The following ZFAT variants were observed in gnomAD, a reference collection of about 807,000 sequenced individuals.
ZFAT encodes the protein zinc finger and AT-hook domain containing.
A neutral mutation model predicts 117.7 loss-of-function variants in ZFAT; 64 were observed. That is an observed-to-expected ratio of 0.54 (90% CI 0.44 to 0.67). The LOEUF (loss-of-function observed/expected upper bound fraction) is 0.67. Among genes scored for constraint, ZFAT ranks in the 30% least tolerant of loss-of-function variants. The pLI is 0.00. For missense variants in ZFAT, 1,433 were observed against 1,584.5 expected, an observed-to-expected ratio of 0.90 and a Z score of 1.62; for synonymous variants, 679 against 615.0, an observed-to-expected ratio of 1.10 and a Z score of -1.54.
chr8:134,707,654 T>C (rs1274457768), intron 1 of ZFAT, among the ~76,000 whole-genome samples: 1 of 152,206 alleles, frequency 6.6e-6, no homozygotes, highest in African/African-American at 2.4e-5. Flanking sequence ...ATGGCTGAGC[T>C]GGTCCTCTTT....
the ZFAT span, among the ~76,000 whole-genome samples, chr8:134,815,833 C>A: frequency 6.6e-6 from 1 of 152,188 alleles, no homozygotes; most frequent in Non-Finnish European, 1.5e-5. Context: ...CTGAAGTGGG[C>A]TTTCACCACA....
the ZFAT span, among the ~76,000 whole-genome samples, chr8:134,818,115 G>A: frequency 2.0e-5 from 3 of 152,058 alleles, no homozygotes; most frequent in Non-Finnish European, 4.4e-5. Context: ...AGTACCAAAA[G>A]TACAATCCAT....
intron 2 of ZFAT, among the ~76,000 whole-genome samples, chr8:134,653,342 T>G (rs1477667261): frequency 7.4e-6 from 1 of 134,536 alleles, no homozygotes; most frequent in Non-Finnish European, 1.5e-5. Flanking sequence ...AGTGGTGCAA[T>G]CACAGCTCAC....
the ZFAT span, among the ~76,000 whole-genome samples, chr8:134,819,520 C>T: frequency 7.9e-6 from 1 of 126,530 alleles, no homozygotes; most frequent in African/African-American, 3.0e-5. Context: ...CCCCCCAACA[C>T]ACCACAAAAG....
At chr8:134,588,151 A>G (rs2130865187) in intron 9 of ZFAT, 95 bp downstream of exon 9, 4 of 1,369,188 alleles carry the variant, frequency 2.9e-6, no homozygotes, top group Admixed American at 2.6e-5. Flanking sequence ...AACAGCAGGG[A>G]TGTGAAGATA....
chr8:134,685,365 G>T (rs1400787841), intron 1 of ZFAT, among the ~76,000 whole-genome samples: 1 of 152,144 alleles, frequency 6.6e-6, no homozygotes, highest in East Asian at 1.9e-4. Flanking sequence ...TGCTCACAGT[G>T]AGCAATACTG....
At chr8:134,495,126 G>T (rs11994136) in intron 15 of ZFAT, among the ~76,000 whole-genome samples, 2,450 of 152,254 alleles carry the variant, frequency 0.016, 72 homozygotes, top group African/African-American at 0.056. Flanking sequence ...AAAGCAGCCT[G>T]GTCTCAGCTC....
chr8:134,642,608 C>G (rs1430106966), intron 2 of ZFAT, among the ~76,000 whole-genome samples: 1 of 152,186 alleles, frequency 6.6e-6, no homozygotes, highest in African/African-American at 2.4e-5. Context: ...CATTCTGACT[C>G]AATACGCATT....
At chr8:134,682,807 C>T (rs1369092721) in intron 1 of ZFAT, among the ~76,000 whole-genome samples, 2 of 152,300 alleles carry the variant, frequency 1.3e-5, no homozygotes, top group African/African-American at 4.8e-5. Context: ...GCCCTTTTTC[C>T]CCACTCTGCA....
chr8:134,567,105 G>A (rs1824523154), intron 10 of ZFAT, among the ~76,000 whole-genome samples: 1 of 152,098 alleles, frequency 6.6e-6, no homozygotes, highest in South Asian at 2.1e-4. Context: ...CTCTGAATCT[G>A]AGACTTGAGT....
At position 134,637,569 on chromosome 8, in the gene ZFAT, T is replaced by C; in HGVS notation, c.340A>G (p.Ser114Gly). The C allele has an allele frequency of 6.2e-7, 1 of 1,614,232 alleles. No homozygotes were observed. Among genetic ancestry groups the C allele is most frequent in the Non-Finnish European group, 8.5e-7 (1 of 1,180,030 alleles). The change falls in exon 3 of 16, where the codon AGC becomes GGC. Residue 114 changes from serine (S) to glycine (G), a missense_variant. Around this residue, in one of 5 missense-constraint regions of ZFAT, gnomAD observed 436 missense variants for 482.0 expected, o/e 0.90. Coordinates refer to ENST00000377838, the MANE Select transcript of ZFAT (RefSeq NM_020863.4). ...APEEGNSLPP[S>G]SLECSKCCRK... ...CAGCACTTGCTACACTCCAAGCTGC[T>C]TGGAGGCAGGCTGTTCCCTTCCTCC...
the ZFAT span, among the ~76,000 whole-genome samples, chr8:134,821,380 G>A: frequency 6.6e-6 from 1 of 152,200 alleles, no homozygotes; most frequent in East Asian, 1.9e-4. Context: ...TAGAAACACA[G>A]TATCCTAGAT....
At chr8:134,567,927 A>G (rs1390775338) in intron 10 of ZFAT, among the ~76,000 whole-genome samples, 1 of 152,216 alleles carries the variant, frequency 6.6e-6, no homozygotes, top group Non-Finnish European at 1.5e-5. Context: ...GCAGCCCTCC[A>G]TAGGCCCCCT....
At chr8:134,630,594 T>C (rs1382314655) in intron 3 of ZFAT, among the ~76,000 whole-genome samples, 2 of 152,224 alleles carry the variant, frequency 1.3e-5, no homozygotes, top group African/African-American at 2.4e-5. Flanking sequence ...TTGCCTAAGA[T>C]GACCCCAGAA....
Position 134,565,359 on chromosome 8 carries a change from G to T in ZFAT, c.2950C>A (p.His984Asn), listed in dbSNP as rs1279487710. The T allele has an allele frequency of 1.9e-6, 3 of 1,613,728 alleles. No homozygotes were observed. The African/African-American group carries it at 4.0e-5, about 22-fold the overall frequency. The change falls in exon 11 of 16, where the codon CAC becomes AAC. Residue 984 changes from histidine (H) to asparagine (N), a missense_variant. His to Asn is a moderately conservative substitution (Grantham distance 68, BLOSUM62 1). Coordinates refer to ENST00000377838, the MANE Select transcript of ZFAT (RefSeq NM_020863.4). ...TTGAAGGAGACATGCTGTTCCATGT[G>T]CCGCAGCAGCTGTGGCTTCTGGGCC... Reference protein sequence around the residue: ...TAAQKPQLLRHMEQHVSFKPF... With the variant: ...TAAQKPQLLRNMEQHVSFKPF...
intron 15 of ZFAT, among the ~76,000 whole-genome samples, chr8:134,505,753 A>G (rs1482248005): frequency 1.3e-5 from 2 of 152,178 alleles, no homozygotes; most frequent in African/African-American, 4.8e-5. Flanking sequence ...TTTCCCAGAA[A>G]CACTGTAGCT....
intron 8 of ZFAT, among the ~76,000 whole-genome samples, chr8:134,589,482 A>G (rs563930921): frequency 1.4e-4 from 22 of 152,374 alleles, no homozygotes; most frequent in Middle Eastern, 3.4e-3. Flanking sequence ...ATTTAGAAGA[A>G]GTACCTGTTA....
chr8:134,613,345 CTG>C (rs376082908), intron 3 of ZFAT, among the ~76,000 whole-genome samples: 1,784 of 152,226 alleles, frequency 0.012, 40 homozygotes, highest in African/African-American at 0.04. Context: ...AACGGATAAA[CTG>C]TGTCTGGATA....
chr8:134,618,583 G>A (rs1164926965), intron 3 of ZFAT, among the ~76,000 whole-genome samples: 1 of 152,246 alleles, frequency 6.6e-6, no homozygotes, highest in East Asian at 1.9e-4. Flanking sequence ...TACCAAGCGT[G>A]TCTCCTCTGA....
Sources: allele counts gnomAD v4.1 joint callset (sites outside exome capture counted in the v4.1 genomes callset), GRCh38; gene constraint gnomAD v4.1.1; regional missense constraint gnomAD v4.1.1; transcripts MANE v1.5; gene names NCBI Gene and HGNC (gene_info 2026-07-23, HGNC 2026-07-21).